Variants in CELF4 observed in about 807,000 individuals in gnomAD.
CELF4 encodes the protein CUGBP Elav-like family member 4.
A neutral mutation model predicts 59.9 loss-of-function variants in CELF4; 18 were observed. The ratio of observed to expected loss-of-function variants is 0.30; its 90% CI spans 0.21 to 0.45. The LOEUF (loss-of-function observed/expected upper bound fraction) is 0.45. CELF4 is among the 20% of genes least tolerant of loss of function. The pLI, the probability that CELF4 is intolerant of heterozygous loss-of-function variation, is 1.00. For missense variants in CELF4, 456 were observed against 689.0 expected, an observed-to-expected ratio of 0.66 and a Z score of 3.79; for synonymous variants, 261 against 267.1, an observed-to-expected ratio of 0.98 and a Z score of 0.22.
chr18:37,437,911 T>C (rs1279923448), intron 2 of CELF4, among the ~76,000 whole-genome samples: 1 of 152,092 alleles, frequency 6.6e-6, no homozygotes, highest in African/African-American at 2.4e-5. Flanking sequence ...CTTTGGGAGA[T>C]TAATTAGGTG....
chr18:37,394,271 G>T (rs2099210331), intron 2 of CELF4, among the ~76,000 whole-genome samples: 1 of 152,228 alleles, frequency 6.6e-6, no homozygotes, highest in Non-Finnish European at 1.5e-5. Flanking sequence ...GCAGAGCAGG[G>T]AGAGGGACGC....
chr18:37,392,500 C>T (rs1383498495), intron 2 of CELF4, among the ~76,000 whole-genome samples: 2 of 152,164 alleles, frequency 1.3e-5, no homozygotes, highest in African/African-American at 4.8e-5. Context: ...CTGAGAGGAG[C>T]GGGGAAGAGG....
intron 1 of CELF4, among the ~76,000 whole-genome samples, chr18:37,551,630 G>A (rs2099983199): frequency 6.6e-6 from 1 of 152,206 alleles, no homozygotes; most frequent in Non-Finnish European, 1.5e-5. Flanking sequence ...TGCTCGGGAT[G>A]TTCAGCTGAG....
chr18:37,310,716 G>A (rs908666786), intron 3 of CELF4, among the ~76,000 whole-genome samples: 7 of 152,218 alleles, frequency 4.6e-5, no homozygotes, highest in African/African-American at 1.7e-4. Context: ...CCAGTGCGGT[G>A]TGCCGGGGCC....
At chr18:37,380,792 A>ATCCATCCATCC (rs2099029500) in intron 2 of CELF4, among the ~76,000 whole-genome samples, 2 of 134,896 alleles carry the variant, frequency 1.5e-5, no homozygotes, top group East Asian at 2.5e-4. Context: ...TTTCTCCATG[A>ATCCATCCATCC]ATCCATCCAT....
intron 2 of CELF4, among the ~76,000 whole-genome samples, chr18:37,397,702 T>C (rs2099262369): frequency 6.6e-6 from 1 of 152,156 alleles, no homozygotes; most frequent in Non-Finnish European, 1.5e-5. Flanking sequence ...TATGGCACAC[T>C]GTATATTTGT....
rs747453558 is a variant in CELF4, at chr18:37,274,326, G to T, written c.786C>A (p.Gly262=). 1.1e-5 allele frequency: 18 copies of T among 1,612,566 alleles called. No individual in the cohort carries two copies. The Admixed American group carries it at 1.3e-4, about 12-fold the overall frequency. ...NPMAIPFGAY[G]AYAQALMQQQ... is the part of the protein sequence containing the mutation. ...TGCCACTTACTGCCTGAGCGTAGGC[G>T]CCGTAGGCCCCGAAAGGGATGGCCA... The change falls in exon 6 of 13, where the codon GGC becomes GGA. Residue 262 remains glycine, a synonymous_variant. Coordinates refer to ENST00000420428, the MANE Select transcript of CELF4 (RefSeq NM_020180.4).
intron 2 of CELF4, among the ~76,000 whole-genome samples, chr18:37,445,662 G>A (rs2099746149): frequency 6.6e-6 from 1 of 152,112 alleles, no homozygotes; most frequent in Non-Finnish European, 1.5e-5. Flanking sequence ...GAGGCCCAGG[G>A]AGGGGCAGAG....
intron 2 of CELF4, among the ~76,000 whole-genome samples, chr18:37,363,940 G>T (rs1193846612): frequency 1.3e-5 from 2 of 152,192 alleles, no homozygotes; most frequent in Non-Finnish European, 2.9e-5. Context: ...TAGTGGTGTG[G>T]ACTGACAGGT....
At chr18:37,453,042 C>T (rs1443516780) in intron 2 of CELF4, among the ~76,000 whole-genome samples, 1 of 152,264 alleles carries the variant, frequency 6.6e-6, no homozygotes, top group Non-Finnish European at 1.5e-5. Flanking sequence ...CCAGCTGCCC[C>T]TCACACACCT....
intron 2 of CELF4, among the ~76,000 whole-genome samples, chr18:37,415,915 T>C (rs546084398): frequency 1.3e-5 from 2 of 152,364 alleles, no homozygotes; most frequent in African/African-American, 4.8e-5. Context: ...AATTATTAAT[T>C]CATACAGGAG....
chr18:37,518,791 G>A (rs1221970567), intron 1 of CELF4, among the ~76,000 whole-genome samples: 1 of 152,196 alleles, frequency 6.6e-6, no homozygotes, highest in African/African-American at 2.4e-5. Context: ...GCAGCTCCAG[G>A]GATGGCCCAG....
At chr18:37,270,038 C>A (rs1158164509) in intron 8 of CELF4, among the ~76,000 whole-genome samples, 1 of 152,234 alleles carries the variant, frequency 6.6e-6, no homozygotes, top group Non-Finnish European at 1.5e-5. Flanking sequence ...TTGGGCCCAG[C>A]TTCCCTGCCC....
At chr18:37,289,216 G>T (rs2095116427) in intron 3 of CELF4, among the ~76,000 whole-genome samples, 1 of 152,156 alleles carries the variant, frequency 6.6e-6, no homozygotes, top group Non-Finnish European at 1.5e-5. Context: ...CGGTGGAGCA[G>T]CAGGAAGAGT....
chr18:37,390,696 A>G (rs2099149481), intron 2 of CELF4, among the ~76,000 whole-genome samples: 1 of 151,472 alleles, frequency 6.6e-6, no homozygotes, highest in Non-Finnish European at 1.5e-5. Context: ...GAATGGGTGG[A>G]TGATTAAAGC....
At chr18:37,379,991 T>C (rs1487197561) in intron 2 of CELF4, among the ~76,000 whole-genome samples, 1 of 152,168 alleles carries the variant, frequency 6.6e-6, no homozygotes, top group Non-Finnish European at 1.5e-5. Flanking sequence ...TTTCAGGGAC[T>C]CATGTGTTCA....
intron 2 of CELF4, among the ~76,000 whole-genome samples, chr18:37,454,320 G>T (rs1569569465): frequency 6.6e-6 from 1 of 152,146 alleles, no homozygotes; most frequent in Non-Finnish European, 1.5e-5. Flanking sequence ...AGGCAGGTGG[G>T]CTCTGTTCTA....
intron 1 of CELF4, among the ~76,000 whole-genome samples, chr18:37,493,703 G>T (rs2099917695): frequency 6.6e-6 from 1 of 152,094 alleles, no homozygotes; most frequent in African/African-American, 2.4e-5. Context: ...AAGATGGATG[G>T]TCCCCTAAGC....
intron 1 of CELF4, among the ~76,000 whole-genome samples, chr18:37,510,311 C>G (rs1416039753): frequency 6.6e-6 from 1 of 152,214 alleles, no homozygotes; most frequent in Non-Finnish European, 1.5e-5. Flanking sequence ...CTTGCTCAAC[C>G]TGGCCGAATG....
Sources: allele counts gnomAD v4.1 joint callset (sites outside exome capture counted in the v4.1 genomes callset), GRCh38; gene constraint gnomAD v4.1.1; transcripts MANE v1.5; gene names NCBI Gene and HGNC (gene_info 2026-07-23, HGNC 2026-07-21).